PPARGC1A: variants seen among roughly 807,000 people sequenced by gnomAD.
The protein encoded by PPARGC1A is peroxisome proliferator-activated receptor gamma coactivator 1-alpha.
In PPARGC1A, 25 loss-of-function variants were observed where a neutral mutation model predicts 88.7. That is an observed-to-expected ratio of 0.28 (90% CI 0.21 to 0.39). PPARGC1A has a LOEUF of 0.39. Among genes scored for constraint, PPARGC1A ranks in the 10% least tolerant of loss-of-function variants. The pLI is 1.00. For missense variants in PPARGC1A, 880 were observed against 968.7 expected (o/e 0.91, Z 1.22); for synonymous variants, 363 against 355.6 (o/e 1.02, Z -0.24).
chr4:24,335,645 C>G, the PPARGC1A span, among the ~76,000 whole-genome samples: 1 of 152,124 alleles, frequency 6.6e-6, no homozygotes, highest in African/African-American at 2.4e-5. Flanking sequence ...TTCCTCAGCC[C>G]TCAACTATAA....
At chr4:23,798,082 C>A (rs993123526) in intron 12 of PPARGC1A, among the ~76,000 whole-genome samples, 1 of 151,838 alleles carries the variant, frequency 6.6e-6, no homozygotes, top group Non-Finnish European at 1.5e-5. Context: ...CACCAGAGAA[C>A]AACCCCCCTT....
chr4:24,416,946 G>A, the PPARGC1A span, among the ~76,000 whole-genome samples: 1,384 of 151,564 alleles, frequency 9.1e-3, 13 homozygotes, highest in African/African-American at 0.032. Flanking sequence ...CAGGAGAATC[G>A]CTTAAACCAG....
the PPARGC1A span, among the ~76,000 whole-genome samples, chr4:24,339,589 A>G: frequency 1.3e-5 from 2 of 152,152 alleles, no homozygotes; most frequent in Non-Finnish European, 2.9e-5. Flanking sequence ...ATCCATGCAT[A>G]CTATGGAGCA....
intron 12 of PPARGC1A, among the ~76,000 whole-genome samples, chr4:23,798,915 G>C (rs1189567092): frequency 6.6e-6 from 1 of 152,032 alleles, no homozygotes; most frequent in Non-Finnish European, 1.5e-5. Flanking sequence ...GTTATGTTTT[G>C]CTCTAACAAT....
the PPARGC1A span, among the ~76,000 whole-genome samples, chr4:23,949,018 A>G: frequency 3.9e-5 from 6 of 152,084 alleles, no homozygotes; most frequent in Non-Finnish European, 8.8e-5. Context: ...GTTACTCTCT[A>G]TTTGCCTAAA....
chr4:24,349,824 C>G, the PPARGC1A span, among the ~76,000 whole-genome samples: 1 of 152,208 alleles, frequency 6.6e-6, no homozygotes, highest in Non-Finnish European at 1.5e-5. Context: ...CAGGAGGTTT[C>G]TCACCCCGTT....
chr4:24,126,912 C>T, the PPARGC1A span, among the ~76,000 whole-genome samples: 1 of 152,088 alleles, frequency 6.6e-6, no homozygotes, highest in Non-Finnish European at 1.5e-5. Flanking sequence ...CGAGGACTTC[C>T]CAGACCCACA....
At chr4:23,879,375 G>A (rs1715461694) in intron 2 of PPARGC1A, among the ~76,000 whole-genome samples, 2 of 152,252 alleles carry the variant, frequency 1.3e-5, no homozygotes, top group South Asian at 4.1e-4. Context: ...GGTTAAATAT[G>A]TTCTGTCCCT....
At chr4:24,170,006 A>C in the PPARGC1A span, among the ~76,000 whole-genome samples, 842 of 152,346 alleles carry the variant, frequency 5.5e-3, 32 homozygotes, top group East Asian at 0.1. Flanking sequence ...ATATTTGACA[A>C]TGAATAATTA....
At chr4:24,219,972 T>C in the PPARGC1A span, among the ~76,000 whole-genome samples, 1 of 152,070 alleles carries the variant, frequency 6.6e-6, no homozygotes, top group African/African-American at 2.4e-5. Context: ...TAGGAATAAG[T>C]CAATTCATTT....
At chr4:24,400,032 CG>C in the PPARGC1A span, among the ~76,000 whole-genome samples, 1 of 149,566 alleles carries the variant, frequency 6.7e-6, no homozygotes, top group African/African-American at 2.5e-5. Context: ...TGATCCACCC[CG>C]CCTCAGCCTC....
chr4:24,071,501 T>A, the PPARGC1A span, among the ~76,000 whole-genome samples: 1 of 150,200 alleles, frequency 6.7e-6, no homozygotes, highest in Non-Finnish European at 1.5e-5. Flanking sequence ...GCATGCTTTT[T>A]TTTTCTGCCA....
intron 7 of PPARGC1A, among the ~76,000 whole-genome samples, chr4:23,822,378 C>T (rs1024240037): frequency 2.0e-5 from 3 of 152,034 alleles, no homozygotes; most frequent in Non-Finnish European, 4.4e-5. Flanking sequence ...CTATGGAGAG[C>T]TTAATTTCCT....
the PPARGC1A span, among the ~76,000 whole-genome samples, chr4:24,036,535 A>G: frequency 6.6e-6 from 1 of 152,210 alleles, no homozygotes; most frequent in Admixed American, 6.5e-5. Context: ...ATAAATTAAC[A>G]CAATGAAACA....
the PPARGC1A span, among the ~76,000 whole-genome samples, chr4:24,155,036 C>T: frequency 1.3e-5 from 2 of 151,798 alleles, no homozygotes; most frequent in African/African-American, 4.8e-5. Context: ...CTGGGCTTTG[C>T]TCAGGGAAGA....
At chr4:23,845,623 G>C (rs1279529848) in intron 2 of PPARGC1A, among the ~76,000 whole-genome samples, 1 of 152,144 alleles carries the variant, frequency 6.6e-6, no homozygotes, top group Non-Finnish European at 1.5e-5. Flanking sequence ...AGCCTTTCCA[G>C]CTCCTTTCTC....
the PPARGC1A span, among the ~76,000 whole-genome samples, chr4:23,911,504 C>T: frequency 6.6e-6 from 1 of 152,226 alleles, no homozygotes; most frequent in South Asian, 2.1e-4. Context: ...ATAATCACAC[C>T]ATCGACTTCT....
chr4:24,041,305 A>G, the PPARGC1A span, among the ~76,000 whole-genome samples: 1 of 152,198 alleles, frequency 6.6e-6, no homozygotes. Flanking sequence ...TGCTGGGCAC[A>G]GTTTAGAAAG....
At chr4:24,418,291 G>A in the PPARGC1A span, among the ~76,000 whole-genome samples, 1 of 152,092 alleles carries the variant, frequency 6.6e-6, no homozygotes, top group Non-Finnish European at 1.5e-5. Context: ...AAGCAACAGA[G>A]GGCCATCCAC....
Sources: gnomAD v4.1 joint callset for allele counts (sites outside exome capture counted in the v4.1 genomes callset) on GRCh38, gnomAD v4.1.1 for gene constraint, MANE v1.5 for transcripts, NCBI Gene and HGNC (gene_info 2026-07-23, HGNC 2026-07-21) for gene names.